PPARGC1B: variants seen among roughly 807,000 people sequenced by gnomAD.
PPARGC1B encodes peroxisome proliferator-activated receptor gamma coactivator 1-beta.
Under a neutral mutation model 101.6 loss-of-function variants are expected in PPARGC1B, and 34 were observed. That is an observed-to-expected ratio of 0.33 (90% CI 0.25 to 0.45). The LOEUF (loss-of-function observed/expected upper bound fraction) is 0.45. Among genes scored for constraint, PPARGC1B ranks in the 20% least tolerant of loss-of-function variants. The pLI, the probability that PPARGC1B is intolerant of heterozygous loss-of-function variation, is 1.00. For missense variants in PPARGC1B, 1,234 were observed against 1,317.6 expected (o/e 0.94, Z 0.98); for synonymous variants, 548 against 539.3 (o/e 1.02, Z -0.22).
intron 1 of PPARGC1B, among the ~76,000 whole-genome samples, chr5:149,788,676 C>G (rs1000375391): frequency 6.6e-6 from 1 of 152,130 alleles, no homozygotes; most frequent in African/African-American, 2.4e-5. Context: ...GGAACCAACC[C>G]ACATGTCCGT....
downstream of PPARGC1B, among the ~76,000 whole-genome samples, chr5:149,855,589 T>C (rs1304318524): frequency 6.6e-6 from 1 of 152,192 alleles, no homozygotes; most frequent in African/African-American, 2.4e-5. Context: ...CTGCATTGTG[T>C]GCGGTAATTG....
chr5:149,857,211 T>C (rs1046846599), downstream of PPARGC1B, among the ~76,000 whole-genome samples: 1 of 152,204 alleles, frequency 6.6e-6, no homozygotes, highest in Non-Finnish European at 1.5e-5. Flanking sequence ...AGTATTGTTG[T>C]TAGGATGAAA....
At chr5:149,783,901 A>G (rs1756688200) in intron 1 of PPARGC1B, among the ~76,000 whole-genome samples, 1 of 152,044 alleles carries the variant, frequency 6.6e-6, no homozygotes, top group Non-Finnish European at 1.5e-5. Context: ...GTTTATACCC[A>G]TGGCAGTAAC....
At chr5:149,840,155 A>G in intron 9 of PPARGC1B, 39 bp downstream of exon 9, 2 of 1,581,294 alleles carry the variant, frequency 1.3e-6, no homozygotes, top group Non-Finnish European at 1.7e-6. Flanking sequence ...AGTGAATGGG[A>G]ACGGACAGGA....
chr5:149,809,527 T>TAAGC (rs1428315579), intron 1 of PPARGC1B, among the ~76,000 whole-genome samples: 2 of 138,592 alleles, frequency 1.4e-5, no homozygotes, highest in East Asian at 2.1e-4. Context: ...GATAGATAGA[T>TAAGC]AAGCAAGCAA....
downstream of PPARGC1B, among the ~76,000 whole-genome samples, chr5:149,857,184 AAC>A (rs763364868): frequency 6.6e-6 from 1 of 152,118 alleles, no homozygotes; most frequent in Admixed American, 6.5e-5. Flanking sequence ...TGGAGCTAGT[AAC>A]AGTTTCTCCC....
intron 1 of PPARGC1B, among the ~76,000 whole-genome samples, chr5:149,819,277 A>G (rs1048589968): frequency 6.6e-6 from 1 of 152,214 alleles, no homozygotes; most frequent in Non-Finnish European, 1.5e-5. Context: ...ATGACCGTCT[A>G]GATCTTTTCC....
Position 149,852,232 on chromosome 5 carries a change from C to T in PPARGC1B, c.*4674C>T, listed in dbSNP as rs1759794694. The T allele has an allele frequency of 6.6e-6, 1 of 152,212 alleles. No homozygotes were observed. The highest frequency in any genetic ancestry group is 1.5e-5 in the Non-Finnish European group (1 of 68,050). The allele number at this position is 152,212 out of a possible 1,614,324, so 9.4% of individuals were successfully genotyped here. Reference sequence around the variant, plus strand: ...AGTAAGTCACTTAACTGTAAGCCATCTCAGAATCAGAAACCCTAATGTTTC... The same window carrying T: ...AGTAAGTCACTTAACTGTAAGCCATTTCAGAATCAGAAACCCTAATGTTTC... On this transcript the variant is annotated 3_prime_UTR_variant, in exon 12 of 12. Transcript: ENST00000309241.
At chr5:149,798,341 T>G (rs538677986) in intron 1 of PPARGC1B, among the ~76,000 whole-genome samples, 2 of 152,386 alleles carry the variant, frequency 1.3e-5, no homozygotes, top group South Asian at 2.1e-4. Context: ...CTTGTTTTTT[T>G]GTTTTGTTTA....
chr5:149,838,158 C>T (rs1759184839), intron 8 of PPARGC1B, among the ~76,000 whole-genome samples: 2 of 152,118 alleles, frequency 1.3e-5, no homozygotes, highest in African/African-American at 2.4e-5. Context: ...AAGACTTCAG[C>T]TTTATGTTTA....
At chr5:149,772,182 A>G in intron 1 of PPARGC1B, 1 of 1,606,884 alleles carries the variant, frequency 6.2e-7, no homozygotes, top group Non-Finnish European at 8.5e-7. Context: ...GTTGGTGGTG[A>G]AGGCTTTTTC....
intron 1 of PPARGC1B, among the ~76,000 whole-genome samples, chr5:149,784,647 A>C (rs1179118116): frequency 6.9e-6 from 1 of 144,748 alleles, no homozygotes; most frequent in Non-Finnish European, 1.5e-5. Context: ...GGCTCACTGC[A>C]AGATCCACCT....
chr5:149,842,257 G>T lies in PPARGC1B; in HGVS notation c.2696G>T (p.Gly899Val). The T allele has an allele frequency of 6.2e-7, 1 of 1,613,068 alleles. No individual in the cohort carries two copies. The highest frequency in any genetic ancestry group is 8.5e-7 in the Non-Finnish European group (1 of 1,179,742). ...HARKRREKAIGEGRVVYIQNL... is the reference protein window; with the variant it reads ...HARKRREKAIVEGRVVYIQNL... ...CTCTCTGTCCTCCTTCTTGGGCAGG[G>T]GGAAGGCCGCGTGGTGTACATTCAA... Residue 899 changes from glycine to valine, a missense_variant and splice_region_variant, in exon 10 of 12, where the codon GGG becomes GTG. Physicochemically the swap from Gly to Val is moderately radical, Grantham distance 109. Around this residue, in one of 3 missense-constraint regions of PPARGC1B, gnomAD observed 497 missense variants for 529.5 expected, o/e 0.94. Coordinates refer to ENST00000309241, the MANE Select transcript of PPARGC1B (RefSeq NM_133263.4).
intron 1 of PPARGC1B, among the ~76,000 whole-genome samples, chr5:149,761,181 A>G (rs1319137961): frequency 2.0e-5 from 3 of 152,202 alleles, no homozygotes; most frequent in Non-Finnish European, 4.4e-5. Flanking sequence ...TATACTGTGA[A>G]AAGATGACCA....
At chr5:149,847,425 C>T in intron 11 of PPARGC1B, 33 bp from the exon 12 acceptor site, 3 of 1,512,022 alleles carry the variant, frequency 2.0e-6, no homozygotes, top group Non-Finnish European at 2.8e-6. Flanking sequence ...CACTGCCTTC[C>T]CCTCTTCCCT....
At chr5:149,784,886 C>G (rs1756745262) in intron 1 of PPARGC1B, among the ~76,000 whole-genome samples, 1 of 152,170 alleles carries the variant, frequency 6.6e-6, no homozygotes, top group Admixed American at 6.5e-5. Flanking sequence ...GAGTTTCTCT[C>G]AGTTCCTTCT....
At chr5:149,752,760 CGGA>C (rs1427276765) in intron 1 of PPARGC1B, among the ~76,000 whole-genome samples, 1 of 152,138 alleles carries the variant, frequency 6.6e-6, no homozygotes, top group Non-Finnish European at 1.5e-5. Context: ...ACCCGGGAGA[CGGA>C]GGTTGCAGTG....
At position 149,730,770 on chromosome 5, in the gene PPARGC1B, C is replaced by T. The variant is rs1561841825; in HGVS notation, c.78+350C>T. 1.3e-5 allele frequency among the ~76,000 whole-genome samples: 2 copies of T among 152,162 alleles called. No individual in the cohort carries two copies. The highest frequency in any genetic ancestry group is 2.4e-5 in the African/African-American group (1 of 41,450). On this transcript the variant is annotated intron_variant, in intron 1 of 11. Coordinates refer to ENST00000309241, the MANE Select transcript of PPARGC1B (RefSeq NM_133263.4). This position sits in a 1 kb window ranked among gnomAD's most constrained non-coding sequence, Gnocchi z 4.0. The stretch of plus-strand genomic sequence containing the variant: ...GGTACCCTCAGGCTGGCGCTGGGTG[C>T]TGGAGGCGCGCCGTCAGCGCCCGGC...
chr5:149,842,342 G>A lies in PPARGC1B; in HGVS notation c.2781G>A (p.Glu927=), dbSNP rs1418214189. 2 of 1,614,082 alleles carry A rather than the reference G, an allele frequency of 1.2e-6. No individual in the cohort carries two copies. The highest frequency in any genetic ancestry group is 2.7e-5 in the African/African-American group (2 of 74,944). The part of the protein sequence containing the change: ...ELKRRFEVFG[E]IEECEVLTRN... ...AGAGGCGCTTTGAAGTGTTTGGTGA[G>A]ATTGAGGAGTGCGAGGTGCTGACAA... The change falls in exon 10 of 12, where the codon GAG becomes GAA. Residue 927 remains glutamate, a synonymous_variant. Coordinates refer to ENST00000309241, the MANE Select transcript of PPARGC1B (RefSeq NM_133263.4).
Sources: allele counts gnomAD v4.1 joint callset (sites outside exome capture counted in the v4.1 genomes callset), GRCh38; gene constraint gnomAD v4.1.1; regional missense constraint gnomAD v4.1.1; non-coding constraint Gnocchi (gnomAD v3.1); transcripts MANE v1.5; gene names NCBI Gene and HGNC (gene_info 2026-07-23, HGNC 2026-07-21).